MED14: variants seen among roughly 807,000 people sequenced by gnomAD.
The protein encoded by MED14 is mediator of RNA polymerase II transcription subunit 14.
In MED14, 8 loss-of-function variants were observed where a neutral mutation model predicts 109.0. The ratio of observed to expected loss-of-function variants is 0.07; its 90% CI spans 0.04 to 0.13. The LOEUF is 0.13. Among genes scored for constraint, MED14 ranks in the 10% least tolerant of loss-of-function variants. The pLI is 1.00. For synonymous variants in MED14, 399 were observed against 408.7 expected, an observed-to-expected ratio of 0.98 and a Z score of 0.29; for missense variants, 711 against 1,142.4, an observed-to-expected ratio of 0.62 and a Z score of 5.44.
intron 18 of MED14, 131 bp from the exon 19 acceptor site, chrX:40,682,074 A>T (rs1167158852): frequency 2.3e-5 from 8 of 353,301 alleles, no homozygotes; most frequent in South Asian, 1.4e-4. Flanking sequence ...TTAGTTTTTT[A>T]AAAAAAGCAA....
At chrX:40,661,374 G>A (rs189943907) in intron 26 of MED14, among the ~76,000 whole-genome samples, 25 of 107,804 alleles carry the variant, frequency 2.3e-4, no homozygotes, top group African/African-American at 6.2e-4. Context: ...GAGCCACCAC[G>A]CCTGGCCTTG....
rs1928817647 is a variant in MED14 at position 40,650,336 on chromosome X, T to G, written c.*1470A>C. On this transcript the variant is annotated 3_prime_UTR_variant, in exon 31 of 31. Transcript: ENST00000324817. Reference sequence around the variant, plus strand: ...AAATGAGTGGAGAATCAAACAAAGTTGAGAACAGATATGATATAGGTACAG... The same window carrying G: ...AAATGAGTGGAGAATCAAACAAAGTGGAGAACAGATATGATATAGGTACAG... 1 of 751,698 alleles carries G rather than the reference T, an allele frequency of 1.3e-6. No homozygotes were observed. Among genetic ancestry groups the G allele is most frequent in the African/African-American group, 2.3e-5 (1 of 43,157 alleles). 61.9% of individuals were successfully genotyped at this position (751,698 alleles called of 1,213,427 possible).
At chrX:40,688,565 A>G (rs765579723) in intron 15 of MED14, 35 bp from the exon 16 acceptor site, 8 of 1,023,306 alleles carry the variant, frequency 7.8e-6, no homozygotes, top group East Asian at 6.1e-5. Flanking sequence ...CAGACGACCA[A>G]TTTTACAAAA....
chrX:40,713,924 G>T lies in MED14; in HGVS notation c.523-17C>A. 1 of 1,195,712 alleles carries T rather than the reference G, an allele frequency of 8.4e-7. No individual in the cohort carries two copies. Among genetic ancestry groups the T allele is most frequent in the East Asian group, 3.0e-5 (1 of 33,499 alleles). On this transcript the variant is annotated splice_polypyrimidine_tract_variant and intron_variant, in intron 4 of 30. Transcript: ENST00000324817. Reference sequence around the variant, plus strand: ...AATTTTGTCCTGCAAAAAAATTTAAGTGATTTTTAAATAATGTACAAACGG... The same window carrying T: ...AATTTTGTCCTGCAAAAAAATTTAATTGATTTTTAAATAATGTACAAACGG...
Position 40,692,135 on chromosome X carries a change from A to G in MED14, c.1980+48T>C, listed in dbSNP as rs1256642594. 2.6e-6 allele frequency: 3 copies of G among 1,153,916 alleles called. No individual in the cohort carries two copies. In the African/African-American group the frequency reaches 5.4e-5, roughly 21 times the overall value. On this transcript the variant is annotated intron_variant, in intron 15 of 30. Coordinates refer to ENST00000324817, the MANE Select transcript of MED14 (RefSeq NM_004229.4). The stretch of plus-strand genomic sequence containing the variant: ...ATATACCCTCAGCAACACATTTTAA[A>G]AACTACTCTTTCATTTGGGGTATCC...
rs1228289290 is a variant in MED14, at chrX:40,735,330, G to A, written c.83C>T (p.Pro28Leu). The change falls in exon 1 of 31, where the codon CCA (proline) becomes CTA (leucine). Residue 28 changes from proline to leucine, a missense_variant. By Grantham distance (98) the Pro-to-Leu change is moderately conservative. Coordinates refer to ENST00000324817, the MANE Select transcript of MED14 (RefSeq NM_004229.4). ...GGCGGCTCCCGGGGGAGGAGGGGCT[G>A]GGGCTGACGGGGGTCCGCCGCTGCC... The part of the protein sequence containing the change: ...GGGSGGPPSA[P>L]APPPPGAAVA... The A allele has an allele frequency of 1.8e-6, 2 of 1,090,545 alleles. No individual in the cohort carries two copies. The highest frequency in any genetic ancestry group is 7.8e-5 in the Admixed American group (2 of 25,585). The allele number at this position is 1,090,545 out of a possible 1,213,427, so 89.9% of individuals were successfully genotyped here.
chrX:40,669,216 G>C (rs1481298141), intron 23 of MED14, among the ~76,000 whole-genome samples: 2 of 111,847 alleles, frequency 1.8e-5, no homozygotes, highest in Non-Finnish European at 3.8e-5. Context: ...CTATATGCTT[G>C]TCTACCACTA....
At position 40,648,728 on chromosome X, in the gene MED14, A is replaced by T. The variant is rs1928751825; in HGVS notation, c.*3078T>A. ...GTTATATTCTTGGGCAAGGTATTTT[A>T]ACAAATCACTGGCCACTTGGAAGTG... On this transcript the variant is annotated 3_prime_UTR_variant, in exon 31 of 31. Transcript: ENST00000324817. 8.9e-6 allele frequency: 1 copy of T among 112,604 alleles called. No homozygotes were observed. Among genetic ancestry groups the T allele is most frequent in the South Asian group, 3.7e-4 (1 of 2,738 alleles). 9.3% of individuals were successfully genotyped at this position (112,604 alleles called of 1,213,427 possible). A position where few individuals can be genotyped will look rare whatever the true frequency, so the allele number is the denominator to read the frequency against.
At chrX:40,671,429 C>T (rs923977992) in intron 23 of MED14, among the ~76,000 whole-genome samples, 1 of 112,414 alleles carries the variant, frequency 8.9e-6, no homozygotes, top group Non-Finnish European at 1.9e-5. Context: ...TCACCTATTC[C>T]GTGGCTTAGC....
At chrX:40,711,381 T>TTTCAATAAGAGAACCTTC in intron 7 of MED14, 80 bp from the exon 8 acceptor site, 1 of 821,292 alleles carries the variant, frequency 1.2e-6, no homozygotes, top group Non-Finnish European at 1.7e-6. Context: ...TAAGGAAGGT[T>TTTCAATAAGAGAACCTTC]CTCTTATTGA....
At chrX:40,695,459 C>G (rs1002595354) in intron 13 of MED14, among the ~76,000 whole-genome samples, 5 of 111,873 alleles carry the variant, frequency 4.5e-5, no homozygotes, top group South Asian at 3.7e-4. Context: ...ATCTAGAGGA[C>G]GAGGAATAAT....
At chrX:40,716,589 C>CAA (rs34253902) in intron 3 of MED14, among the ~76,000 whole-genome samples, 15 of 68,366 alleles carry the variant, frequency 2.2e-4, no homozygotes, top group African/African-American at 6.0e-4. Context: ...GACCCTGTCT[C>CAA]AAAAAAAAAA....
At position 40,726,738 on chromosome X, in the gene MED14, T is replaced by C. The variant is rs1189276809; in HGVS notation, c.348+8A>G. ...TTTATACAAAGTAAAATAAAAAGTT[T>C]AACTCACCGCACATTTTTCCACTTT... On this transcript the variant is annotated splice_region_variant and intron_variant, in intron 3 of 30. Transcript: ENST00000324817. 5.1e-6 allele frequency: 6 copies of C among 1,178,525 alleles called. No homozygotes were observed. The highest frequency in any genetic ancestry group is 2.3e-5 in the Admixed American group (1 of 43,865).
At chrX:40,734,436 CCTGAT>C (rs1283210834) in intron 1 of MED14, among the ~76,000 whole-genome samples, 1 of 112,137 alleles carries the variant, frequency 8.9e-6, no homozygotes, top group Non-Finnish European at 1.9e-5. Flanking sequence ...AATTGATAAC[CCTGAT>C]CTGAAGTCTT....
intron 25 of MED14, among the ~76,000 whole-genome samples, chrX:40,664,071 A>G (rs1929390392): frequency 9.0e-6 from 1 of 110,856 alleles, no homozygotes; most frequent in African/African-American, 3.3e-5. Context: ...TGAAACTTCC[A>G]TAAAAACCCA....
chrX:40,675,493 A>T, intron 21 of MED14, 132 bp from the exon 22 acceptor site: 1 of 419,973 alleles, frequency 2.4e-6, no homozygotes, highest in Non-Finnish European at 3.6e-6. Context: ...GACAACCTAG[A>T]AGAAATATTG....
At chrX:40,720,766 A>G (rs1484614974) in intron 3 of MED14, among the ~76,000 whole-genome samples, 5 of 109,040 alleles carry the variant, frequency 4.6e-5, no homozygotes, top group Non-Finnish European at 9.5e-5. Flanking sequence ...AGAGGAGAGC[A>G]AAGAGTAAAA....
chrX:40,665,387 T>G (rs1335065938), intron 24 of MED14, among the ~76,000 whole-genome samples: 1 of 110,581 alleles, frequency 9.0e-6, no homozygotes, highest in Non-Finnish European at 1.9e-5. Context: ...TAGCCAGGCG[T>G]GGTTGTGCAC....
intron 28 of MED14, among the ~76,000 whole-genome samples, 155 bp from the exon 29 acceptor site, chrX:40,655,215 T>C (rs748058167): frequency 8.9e-6 from 1 of 112,115 alleles, no homozygotes; most frequent in East Asian, 2.8e-4. Flanking sequence ...AATACATACA[T>C]GAAGTTGCTA....
Sources: gnomAD v4.1 joint callset for allele counts (sites outside exome capture counted in the v4.1 genomes callset) on GRCh38, gnomAD v4.1.1 for gene constraint, MANE v1.5 for transcripts, NCBI Gene and HGNC (gene_info 2026-07-23, HGNC 2026-07-21) for gene names.